Variants in MID1 observed in about 807,000 individuals in gnomAD.
MID1 encodes E3 ubiquitin-protein ligase Midline-1.
A neutral mutation model predicts 40.4 loss-of-function variants in MID1; 7 were observed. That is an observed-to-expected ratio of 0.17 (90% CI 0.10 to 0.33). The LOEUF is 0.33. Among genes scored for constraint, MID1 ranks in the 10% least tolerant of loss-of-function variants. MID1 has a pLI of 1.00. For synonymous variants in MID1, 229 were observed against 221.2 expected, an observed-to-expected ratio of 1.04 and a Z score of -0.31; for missense variants, 367 against 558.5, an observed-to-expected ratio of 0.66 and a Z score of 3.46.
intron 4 of MID1, among the ~76,000 whole-genome samples, chrX:10,491,330 T>G (rs1203626271): frequency 3.6e-5 from 4 of 112,123 alleles, no homozygotes; most frequent in African/African-American, 1.3e-4. Flanking sequence ...TTTCTTCCTT[T>G]ATTTCTTTCC....
intron 6 of MID1, 128 bp from the exon 7 acceptor site, chrX:10,469,968 T>C (rs1929607840): frequency 2.3e-5 from 14 of 596,601 alleles, no homozygotes; most frequent in Non-Finnish European, 3.7e-5. Flanking sequence ...CTAGAGATGG[T>C]GACCCCAATC....
intron 2 of MID1, among the ~76,000 whole-genome samples, chrX:10,524,902 G>T (rs1378409198): frequency 8.9e-6 from 1 of 112,010 alleles, no homozygotes; most frequent in Non-Finnish European, 1.9e-5. Context: ...ATAGAACAAT[G>T]TCGTATGCCA....
At chrX:10,714,478 T>C (rs2043287942) in intron 1 of MID1, among the ~76,000 whole-genome samples, 1 of 112,654 alleles carries the variant, frequency 8.9e-6, no homozygotes, top group African/African-American at 3.2e-5. Flanking sequence ...CAAGAACTCC[T>C]CTTCTAAAAG....
chrX:10,575,955 C>A (rs1476043589), intron 1 of MID1, among the ~76,000 whole-genome samples: 1 of 107,967 alleles, frequency 9.3e-6, no homozygotes, highest in Non-Finnish European at 1.9e-5. Flanking sequence ...CAGTAACAGA[C>A]AACTAAGAAT....
intron 1 of MID1, among the ~76,000 whole-genome samples, chrX:10,659,603 T>C (rs1013585531): frequency 3.6e-5 from 4 of 111,853 alleles, no homozygotes; most frequent in African/African-American, 1.3e-4. Context: ...TTTCTTCTCT[T>C]CTATGCTGTC....
chrX:10,612,729 A>G (rs1241453573), intron 1 of MID1, among the ~76,000 whole-genome samples: 2 of 112,256 alleles, frequency 1.8e-5, no homozygotes, highest in Non-Finnish European at 3.8e-5. Context: ...ATTGCCTTGG[A>G]ATTTATTAGC....
intron 1 of MID1, among the ~76,000 whole-genome samples, chrX:10,592,639 T>C (rs1935331446): frequency 9.0e-6 from 1 of 110,557 alleles, no homozygotes; most frequent in African/African-American, 3.3e-5. Context: ...TATATACATG[T>C]ATATATATAG....
intron 1 of MID1, among the ~76,000 whole-genome samples, chrX:10,614,887 C>G (rs746378920): frequency 5.3e-5 from 6 of 112,410 alleles, no homozygotes; most frequent in Non-Finnish European, 9.4e-5. Context: ...TCACATTAAT[C>G]AGATTGATTA....
At chrX:10,638,075 G>A (rs1355598514) in intron 1 of MID1, among the ~76,000 whole-genome samples, 1 of 112,068 alleles carries the variant, frequency 8.9e-6, no homozygotes, top group Non-Finnish European at 1.9e-5. Flanking sequence ...GTAGGATATT[G>A]GCCTTGTCAT....
chrX:10,621,598 G>GA (rs776969902), upstream of MID1, among the ~76,000 whole-genome samples: 13 of 110,342 alleles, frequency 1.2e-4, no homozygotes, highest in Admixed American at 9.7e-5. Context: ...GGTATCAGAG[G>GA]AAAAAAAATT....
intron 1 of MID1, among the ~76,000 whole-genome samples, chrX:10,632,462 T>G (rs1936062968): frequency 9.0e-6 from 1 of 111,530 alleles, no homozygotes; most frequent in Non-Finnish European, 1.9e-5. Context: ...GGCTGGGCCT[T>G]GGAGCAGAGT....
chrX:10,572,127 CTT>C (rs770408821), intron 1 of MID1, among the ~76,000 whole-genome samples: 3 of 104,419 alleles, frequency 2.9e-5, no homozygotes, highest in East Asian at 2.9e-4. Flanking sequence ...CTCTCTCTCT[CTT>C]TCTCTCTCCC....
Position 10,781,152 on chromosome X carries a change from C to T in MID1, c.-187+52402G>A, listed in dbSNP as rs763734670. Among the ~76,000 whole-genome samples the T allele has an allele frequency of 2.7e-5, 3 of 112,101 alleles. No individual in the cohort carries two copies. In the East Asian group the frequency reaches 8.4e-4, roughly 31 times the overall value. On this transcript the variant is annotated intron_variant, in intron 1 of 10. Transcript: ENST00000380785. ...CTTTTGCCTGAGTTAATCAAAATGA[C>T]GTTCTAAAATATCAAATCTCCTTTA...
chrX:10,459,015 T>C (rs187486810), intron 8 of MID1, among the ~76,000 whole-genome samples: 325 of 111,657 alleles, frequency 2.9e-3, no homozygotes, highest in African/African-American at 9.7e-3. Flanking sequence ...GACAGTATCA[T>C]GAGACACACA....
intron 1 of MID1, chrX:10,677,799 T>A (rs1445241820): frequency 9.0e-6 from 1 of 110,876 alleles, no homozygotes; most frequent in Admixed American, 9.7e-5. Context: ...GACATCACAG[T>A]TCTGGCCGCA....
At chrX:10,783,537 T>G (rs2043860309) in intron 1 of MID1, among the ~76,000 whole-genome samples, 1 of 111,860 alleles carries the variant, frequency 8.9e-6, no homozygotes, top group African/African-American at 3.2e-5. Context: ...CAACAGCATC[T>G]AGCTGGTACT....
At chrX:10,718,948 C>A (rs2043326585) in intron 1 of MID1, among the ~76,000 whole-genome samples, 1 of 111,747 alleles carries the variant, frequency 8.9e-6, no homozygotes, top group Non-Finnish European at 1.9e-5. Context: ...GAAAAAACCA[C>A]ATGATTATCT....
intron 1 of MID1, chrX:10,577,059 C>G (rs1420169766): frequency 8.9e-6 from 1 of 112,272 alleles, no homozygotes; most frequent in Non-Finnish European, 1.9e-5. Flanking sequence ...ACTTCCCTAT[C>G]CTCTGGCCTA....
intron 1 of MID1, among the ~76,000 whole-genome samples, chrX:10,720,205 A>T (rs1323301373): frequency 8.9e-6 from 1 of 111,925 alleles, no homozygotes. Flanking sequence ...AATGGGATCC[A>T]ATTAAACTAA....
Sources: allele counts gnomAD v4.1 joint callset (sites outside exome capture counted in the v4.1 genomes callset), GRCh38; gene constraint gnomAD v4.1.1; transcripts MANE v1.5; gene names NCBI Gene and HGNC (gene_info 2026-07-23, HGNC 2026-07-21).